Variants in FZD5 observed in about 807,000 individuals in gnomAD.
FZD5 encodes the protein frizzled class receptor 5.
A neutral mutation model predicts 40.8 loss-of-function variants in FZD5; 12 were observed. That is an observed-to-expected ratio of 0.29 (90% CI 0.19 to 0.48). The LOEUF is 0.48. Among genes scored for constraint, FZD5 ranks in the 20% least tolerant of loss-of-function variants. The pLI is 0.99. For synonymous variants in FZD5, 380 were observed against 383.7 expected (o/e 0.99, Z 0.11); for missense variants, 622 against 832.8 (o/e 0.75, Z 3.12).
chr2:207,768,881 A>G lies in FZD5; in HGVS notation c.-142T>C. 1 of 679,134 alleles carries G rather than the reference A, an allele frequency of 1.5e-6. No individual in the cohort carries two copies. 42.1% of individuals were successfully genotyped at this position (679,134 alleles called of 1,614,324 possible). On this transcript the variant is annotated 5_prime_UTR_variant, in exon 2 of 2. Transcript: ENST00000295417. ...TTGGTTGCTTTTTCCTTTAAAGAAAACCGTCCAAAGATAAACTGCTTCGGG... is the reference window on the plus strand; with the variant it reads ...TTGGTTGCTTTTTCCTTTAAAGAAAGCCGTCCAAAGATAAACTGCTTCGGG...
In FZD5 at chr2:207,763,180, T is replaced by C. The variant is rs567799412; in HGVS notation, c.*3802A>G. 6.6e-6 allele frequency: 1 copy of C among 152,030 alleles called. No homozygotes were observed. The highest frequency in any genetic ancestry group is 2.1e-4 in the South Asian group (1 of 4,806). 9.4% of individuals were successfully genotyped at this position (152,030 alleles called of 1,614,324 possible). A position where few individuals can be genotyped will look rare whatever the true frequency, so the allele number is the denominator to read the frequency against. The stretch of plus-strand genomic sequence containing the variant: ...AAAGTCACCAAATCTCTCATATATA[T>C]ATATAATATATATTATGTATATATA... On this transcript the variant is annotated 3_prime_UTR_variant, in exon 2 of 2. Transcript: ENST00000295417.
rs988829734 is a variant in FZD5, at chr2:207,766,606, C to T, written c.*376G>A. 1 of 178,302 alleles carries T rather than the reference C, an allele frequency of 5.6e-6. No individual in the cohort carries two copies. Among genetic ancestry groups the T allele is most frequent in the Non-Finnish European group, 1.2e-5 (1 of 85,810 alleles). The allele number at this position is 178,302 out of a possible 1,614,324, so 11.0% of individuals were successfully genotyped here. A position where few individuals can be genotyped will look rare whatever the true frequency, so the allele number is the denominator to read the frequency against. ...AAATATATTTTCCCAATTGAGACCA[C>T]ACAGTTCAAAGAAACCTGAACCAAG... On this transcript the variant is annotated 3_prime_UTR_variant, in exon 2 of 2. Transcript: ENST00000295417.
chr2:207,768,641 G>A lies in FZD5; in HGVS notation c.99C>T (p.Cys33=). 2 of 1,613,242 alleles carry A rather than the reference G, an allele frequency of 1.2e-6. No homozygotes were observed. Among genetic ancestry groups the A allele is most frequent in the South Asian group, 1.1e-5 (1 of 91,022 alleles). Residue 33 remains cysteine, a synonymous_variant, in exon 2 of 2, where the codon TGC becomes TGT. Coordinates refer to ENST00000295417, the MANE Select transcript of FZD5 (RefSeq NM_003468.4). The part of the protein sequence containing the change: ...RAAAASKAPV[C]QEITVPMCRG... ...GGCACATGGGCACCGTGATTTCCTG[G>A]CACACCGGGGCCTTGGACGCGGCGG...
Position 207,765,040 on chromosome 2 carries a change from G to C in FZD5, c.*1942C>G, listed in dbSNP as rs1244916319. 1.3e-5 allele frequency: 2 copies of C among 152,142 alleles called. No individual in the cohort carries two copies. Among genetic ancestry groups the C allele is most frequent in the African/African-American group, 4.8e-5 (2 of 41,438 alleles). 9.4% of individuals were successfully genotyped at this position (152,142 alleles called of 1,614,324 possible). A position where few individuals can be genotyped will look rare whatever the true frequency, so the allele number is the denominator to read the frequency against. On this transcript the variant is annotated 3_prime_UTR_variant, in exon 2 of 2. Coordinates refer to ENST00000295417, the MANE Select transcript of FZD5 (RefSeq NM_003468.4). The stretch of plus-strand genomic sequence containing the variant: ...AATTTTAATTCAGAGGATAAATTGG[G>C]TAAGAGCAGTGCATTTTAATAAATG...
chr2:207,762,984 C>T lies in FZD5; in HGVS notation c.*3998G>A, dbSNP rs1237652764. 1 of 152,582 alleles carries T rather than the reference C, an allele frequency of 6.6e-6. No homozygotes were observed. Among genetic ancestry groups the T allele is most frequent in the Non-Finnish European group, 1.5e-5 (1 of 68,032 alleles). The allele number at this position is 152,582 out of a possible 1,614,324, so 9.5% of individuals were successfully genotyped here. ...TTGATTGTCTACAAATAAAGTATCGCTGGCTCTAGTGTAACTTCTGGATTT... is the reference window on the plus strand; with the variant it reads ...TTGATTGTCTACAAATAAAGTATCGTTGGCTCTAGTGTAACTTCTGGATTT... On this transcript the variant is annotated 3_prime_UTR_variant, in exon 2 of 2. Coordinates refer to ENST00000295417, the MANE Select transcript of FZD5 (RefSeq NM_003468.4).
At chr2:207,769,071 G>C (rs1418897804) in intron 1 of FZD5, 77 bp from the exon 2 acceptor site, 2 of 355,596 alleles carry the variant, frequency 5.6e-6, no homozygotes, top group Non-Finnish European at 1.1e-5. Context: ...GTCCCCGCGA[G>C]CTGTCTCCAA....
Position 207,768,928 on chromosome 2 carries a change from G to GATCTA in FZD5, c.-190_-189insTAGAT. ...CGGGAAGGCGCTGCCTCCGCTGGCA[G>GATCTA]CGCTCCGCTCCTCGCCGGATAGGGC... On this transcript the variant is annotated 5_prime_UTR_variant, in exon 2 of 2. Transcript: ENST00000295417. The GATCTA allele has an allele frequency of 1.7e-6, 1 of 600,856 alleles. No homozygotes were observed. Among genetic ancestry groups the GATCTA allele is most frequent in the South Asian group, 2.1e-5 (1 of 48,388 alleles). 37.2% of individuals were successfully genotyped at this position (600,856 alleles called of 1,614,324 possible).
rs1420740498 is a variant in FZD5, at chr2:207,767,270, G to T, written c.1470C>A (p.Asp490Glu). The T allele has an allele frequency of 2.5e-6, 4 of 1,611,058 alleles. No individual in the cohort carries two copies. The highest frequency in any genetic ancestry group is 3.4e-6 in the Non-Finnish European group (4 of 1,179,200). Residue 490 changes from aspartate to glutamate, a missense_variant, in exon 2 of 2, where the codon GAC becomes GAA. Physicochemically the swap from Asp to Glu is conservative, Grantham distance 45. Coordinates refer to ENST00000295417, the MANE Select transcript of FZD5 (RefSeq NM_003468.4). ...CGGGCTTGGCGCGCGGCTGGCCGGT[G>T]TCGTGGCCCGGGCAGGCGCAGGTGA... ...AALTCACPGH[D>E]TGQPRAKPEY... is the part of the protein sequence containing the mutation.
rs1449689469 is a variant in FZD5, at chr2:207,768,203, C to T, written c.537G>A (p.Gly179=). 9.5e-6 allele frequency: 15 copies of T among 1,586,970 alleles called. No individual in the cohort carries two copies. The South Asian group carries it at 1.7e-4, about 18-fold the overall frequency. ...ACGGGCCCCCAGCGGGGCATTCGCC[C>T]CCCGAGGCCGGCGCCCCTGGCGGGC... ...LPGPPGAPAS[G]GECPAGGPFV... The change falls in exon 2 of 2, where the codon GGG becomes GGA. Residue 179 remains glycine, a synonymous_variant. Coordinates refer to ENST00000295417, the MANE Select transcript of FZD5 (RefSeq NM_003468.4).
rs201556349 is a variant in FZD5, at chr2:207,768,065, C to T, written c.675G>A (p.Pro225=). The T allele has an allele frequency of 3.1e-6, 5 of 1,612,994 alleles. No individual in the cohort carries two copies. Among genetic ancestry groups the T allele is most frequent in the African/African-American group, 1.3e-5 (1 of 74,922 alleles). Residue 225 remains proline, a synonymous_variant, in exon 2 of 2, where the codon CCG becomes CCA. Coordinates refer to ENST00000295417, the MANE Select transcript of FZD5 (RefSeq NM_003468.4). ...ACGTGCGCTCGTCGGCACTGAAGGACGGCTGGTAGCAGGGTACCGCGCAGT... is the reference window on the plus strand; with the variant it reads ...ACGTGCGCTCGTCGGCACTGAAGGATGGCTGGTAGCAGGGTACCGCGCAGT... ...VPNCAVPCYQ[P]SFSADERTFA...
At position 207,764,898 on chromosome 2, in the gene FZD5, T is replaced by G. The variant is rs1433352780; in HGVS notation, c.*2084A>C. The G allele has an allele frequency of 6.6e-6, 1 of 152,176 alleles. No individual in the cohort carries two copies. The highest frequency in any genetic ancestry group is 2.4e-5 in the African/African-American group (1 of 41,442). 9.4% of individuals were successfully genotyped at this position (152,176 alleles called of 1,614,324 possible). ...AAACAGGAGAGGAATTGGCATTCAGTCAAGGGATCTATTTCAAGATTCTAG... is the reference window on the plus strand; with the variant it reads ...AAACAGGAGAGGAATTGGCATTCAGGCAAGGGATCTATTTCAAGATTCTAG... On this transcript the variant is annotated 3_prime_UTR_variant, in exon 2 of 2. Coordinates refer to ENST00000295417, the MANE Select transcript of FZD5 (RefSeq NM_003468.4).
In FZD5 at chr2:207,768,498, T is replaced by C; in HGVS notation, c.242A>G (p.Asp81Gly). 1 of 1,613,906 alleles carries C rather than the reference T, an allele frequency of 6.2e-7. No homozygotes were observed. The highest frequency in any genetic ancestry group is 8.5e-7 in the Non-Finnish European group (1 of 1,179,876). The change falls in exon 2 of 2, where the codon GAC becomes GGC. Residue 81 changes from aspartate (D) to glycine (G), a missense_variant. By Grantham distance (94) the Asp-to-Gly change is moderately conservative. Around this residue, in one of 4 missense-constraint regions of FZD5, gnomAD observed 144 missense variants for 214.2 expected, o/e 0.67. Transcript: ENST00000295417. ...CATAGAGCATAGGAAGAAGCGCAGG[T>C]CCGGCGAGCATTGGATCTCCACCAG... ...WPLVEIQCSPDLRFFLCSMYT... is the reference protein window; with the variant it reads ...WPLVEIQCSPGLRFFLCSMYT...
chr2:207,766,241 C>T lies in FZD5; in HGVS notation c.*741G>A, dbSNP rs1200461424. ...TTATGCCAGATCCTCTATAATGCTACCTCTAACTTATTCAAGACACAACGA... is the reference window on the plus strand; with the variant it reads ...TTATGCCAGATCCTCTATAATGCTATCTCTAACTTATTCAAGACACAACGA... On this transcript the variant is annotated 3_prime_UTR_variant, in exon 2 of 2. Transcript: ENST00000295417. 3.3e-5 allele frequency: 5 copies of T among 152,186 alleles called. No homozygotes were observed. Among genetic ancestry groups the T allele is most frequent in the Admixed American group, 3.3e-4 (5 of 15,278 alleles). 9.4% of individuals were successfully genotyped at this position (152,186 alleles called of 1,614,324 possible).
Position 207,763,627 on chromosome 2 carries a change from T to G in FZD5, c.*3355A>C, listed in dbSNP as rs968089426. 1 of 152,742 alleles carries G rather than the reference T, an allele frequency of 6.5e-6. No individual in the cohort carries two copies. The highest frequency in any genetic ancestry group is 2.1e-4 in the South Asian group (1 of 4,830). 9.5% of individuals were successfully genotyped at this position (152,742 alleles called of 1,614,324 possible). A position where few individuals can be genotyped will look rare whatever the true frequency, so the allele number is the denominator to read the frequency against. ...CCTCCTACCCCCCTTGGGCTTTCTG[T>G]AGAGCACAAAAGTGAAAGAAGCTTC... On this transcript the variant is annotated 3_prime_UTR_variant, in exon 2 of 2. Coordinates refer to ENST00000295417, the MANE Select transcript of FZD5 (RefSeq NM_003468.4).
Position 207,763,272 on chromosome 2 carries a change from T to G in FZD5, c.*3710A>C, listed in dbSNP as rs2091963806. 6.6e-6 allele frequency: 1 copy of G among 152,616 alleles called. No individual in the cohort carries two copies. The highest frequency in any genetic ancestry group is 2.1e-4 in the South Asian group (1 of 4,828). The allele number at this position is 152,616 out of a possible 1,614,324, so 9.5% of individuals were successfully genotyped here. Reference sequence around the variant, plus strand: ...ATGAAGTCATACTGTCTTAAAATGATGCACTCACAGACAGACACTATCCTG... The same window carrying G: ...ATGAAGTCATACTGTCTTAAAATGAGGCACTCACAGACAGACACTATCCTG... On this transcript the variant is annotated 3_prime_UTR_variant, in exon 2 of 2. Transcript: ENST00000295417.
Position 207,768,004 on chromosome 2 carries a change from A to T in FZD5, c.736T>A (p.Cys246Ser), listed in dbSNP as rs2091989186. 6.2e-7 allele frequency: 1 copy of T among 1,610,826 alleles called. No individual in the cohort carries two copies. Among genetic ancestry groups the T allele is most frequent in the African/African-American group, 1.3e-5 (1 of 74,994 alleles). Residue 246 changes from cysteine (C) to serine (S), a missense_variant, in exon 2 of 2, where the codon TGC becomes AGC. Around this residue, in one of 4 missense-constraint regions of FZD5, gnomAD observed 208 missense variants for 348.9 expected, o/e 0.60. Transcript: ENST00000295417. ...TFWIGLWSVL[C>S]FISTSTTVAT... Reference sequence around the variant, plus strand: ...ACTGTGGTGGACGTGGAGATGAAGCACAGCACCGACCACAGGCCTATCCAG... The same window carrying T: ...ACTGTGGTGGACGTGGAGATGAAGCTCAGCACCGACCACAGGCCTATCCAG...
chr2:207,765,723 G>A lies in FZD5; in HGVS notation c.*1259C>T, dbSNP rs548881262. On this transcript the variant is annotated 3_prime_UTR_variant, in exon 2 of 2. Coordinates refer to ENST00000295417, the MANE Select transcript of FZD5 (RefSeq NM_003468.4). ...TCTTGGAATATCTGGCTATAAACTA[G>A]TCCAAAGTCCAGGAACACTTATTTT... 19 of 152,668 alleles carry A rather than the reference G, an allele frequency of 1.2e-4. No individual in the cohort carries two copies. The highest frequency in any genetic ancestry group is 5.9e-4 in the Admixed American group (9 of 15,282). The allele number at this position is 152,668 out of a possible 1,614,324, so 9.5% of individuals were successfully genotyped here. A position where few individuals can be genotyped will look rare whatever the true frequency, so the allele number is the denominator to read the frequency against.
In FZD5 at chr2:207,768,478, A is replaced by C; in HGVS notation, c.262T>G (p.Ser88Ala). ...CSPDLRFFLC[S>A]MYTPICLPDY... Reference sequence around the variant, plus strand: ...GGCAGACAGATGGGCGTGTACATAGAGCATAGGAAGAAGCGCAGGTCCGGC... The same window carrying C: ...GGCAGACAGATGGGCGTGTACATAGCGCATAGGAAGAAGCGCAGGTCCGGC... Residue 88 changes from serine to alanine, a missense_variant, in exon 2 of 2, where the codon TCT becomes GCT. Physicochemically the swap from Ser to Ala is moderately conservative, Grantham distance 99 (BLOSUM62 1). Coordinates refer to ENST00000295417, the MANE Select transcript of FZD5 (RefSeq NM_003468.4). The C allele has an allele frequency of 6.2e-7, 1 of 1,613,644 alleles. No homozygotes were observed. The highest frequency in any genetic ancestry group is 8.5e-7 in the Non-Finnish European group (1 of 1,179,876).
rs1373010429 is a variant in FZD5, at chr2:207,768,173, C to T, written c.567G>A (p.Val189=). 3.1e-6 allele frequency: 5 copies of T among 1,605,022 alleles called. No homozygotes were observed. Among genetic ancestry groups the T allele is most frequent in the Non-Finnish European group, 4.2e-6 (5 of 1,179,016 alleles). ...GCACGAAGGGCTCGCGACACTTGCA[C>T]ACGAACGGGCCCCCAGCGGGGCATT... ...GGECPAGGPF[V]CKCREPFVPI... Residue 189 remains valine, a synonymous_variant, in exon 2 of 2, where the codon GTG becomes GTA. Coordinates refer to ENST00000295417, the MANE Select transcript of FZD5 (RefSeq NM_003468.4).
Sources: allele counts gnomAD v4.1 joint callset, GRCh38; gene constraint gnomAD v4.1.1; regional missense constraint gnomAD v4.1.1; transcripts MANE v1.5; gene names NCBI Gene and HGNC (gene_info 2026-07-23, HGNC 2026-07-21).